Variants in KCNQ3 observed in about 807,000 individuals in gnomAD.
The protein encoded by KCNQ3 is potassium voltage-gated channel subfamily Q member 3.
A neutral mutation model predicts 92.5 loss-of-function variants in KCNQ3; 30 were observed. The ratio of observed to expected loss-of-function variants is 0.32; its 90% CI spans 0.24 to 0.44. KCNQ3 has a LOEUF of 0.44. KCNQ3 is among the 20% of genes least tolerant of loss of function. The pLI, the probability that KCNQ3 is intolerant of heterozygous loss-of-function variation, is 1.00. For synonymous variants in KCNQ3, 450 were observed against 468.8 expected, an observed-to-expected ratio of 0.96 and a Z score of 0.52; for missense variants, 913 against 1,140.3, an observed-to-expected ratio of 0.80 and a Z score of 2.87.
At chr8:132,258,826 C>T (rs538659064) in intron 1 of KCNQ3, among the ~76,000 whole-genome samples, 3 of 151,878 alleles carry the variant, frequency 2.0e-5, no homozygotes, top group Admixed American at 1.3e-4. Flanking sequence ...GAGAACATTA[C>T]TAGTGGTCTT....
intron 1 of KCNQ3, among the ~76,000 whole-genome samples, chr8:132,467,165 A>T (rs1337761869): frequency 6.6e-6 from 1 of 152,216 alleles, no homozygotes; most frequent in Non-Finnish European, 1.5e-5. Flanking sequence ...TAGAGAGTAA[A>T]TCAGCAGAAG....
At chr8:132,132,691 A>G (rs956668899) in intron 13 of KCNQ3, among the ~76,000 whole-genome samples, 3 of 152,186 alleles carry the variant, frequency 2.0e-5, no homozygotes, top group Non-Finnish European at 4.4e-5. Flanking sequence ...AATTACTTAC[A>G]GTGGGTATAA....
intron 1 of KCNQ3, among the ~76,000 whole-genome samples, chr8:132,449,454 A>G (rs1821771064): frequency 6.6e-6 from 1 of 150,950 alleles, no homozygotes; most frequent in South Asian, 2.1e-4. Context: ...CTGCCCTCCA[A>G]CCTCCCAGCA....
In KCNQ3 at chr8:132,251,891, A is replaced by G. The variant is rs113069600; in HGVS notation, c.387-65710T>C. Among the ~76,000 whole-genome samples the G allele has an allele frequency of 7.5e-3, 1,142 of 152,340 alleles. 12 individuals are homozygous for G. Among genetic ancestry groups the G allele is most frequent in the African/African-American group, 0.025 (1,026 of 41,566 alleles). Reference sequence around the variant, plus strand: ...ATGCCCCACTATGATCTGAAGGGTTATCATCACTATATCTAATACAAGTGG... The same window carrying G: ...ATGCCCCACTATGATCTGAAGGGTTGTCATCACTATATCTAATACAAGTGG... On this transcript the variant is annotated intron_variant, in intron 1 of 14. Coordinates refer to ENST00000388996, the MANE Select transcript of KCNQ3 (RefSeq NM_004519.4).
chr8:132,474,808 T>C (rs139517064), intron 1 of KCNQ3, among the ~76,000 whole-genome samples: 1 of 152,106 alleles, frequency 6.6e-6, no homozygotes, highest in East Asian at 1.9e-4. Context: ...AGGTACAAAA[T>C]TCTATGCCTG....
intron 1 of KCNQ3, among the ~76,000 whole-genome samples, chr8:132,330,580 G>A (rs1288894339): frequency 6.6e-6 from 1 of 152,128 alleles, no homozygotes; most frequent in African/African-American, 2.4e-5. Flanking sequence ...GTGGGAGATG[G>A]ACATGTCAGC....
At chr8:132,325,890 A>C (rs1341223705) in intron 1 of KCNQ3, among the ~76,000 whole-genome samples, 1 of 152,184 alleles carries the variant, frequency 6.6e-6, no homozygotes, top group Non-Finnish European at 1.5e-5. Flanking sequence ...GAGGCCAAAA[A>C]AGGTAGTCAA....
chr8:132,412,478 G>T (rs971204943), intron 1 of KCNQ3, among the ~76,000 whole-genome samples: 1 of 152,320 alleles, frequency 6.6e-6, no homozygotes, highest in African/African-American at 2.4e-5. Context: ...CCAGGATTCA[G>T]CCAGGACCTC....
intron 1 of KCNQ3, among the ~76,000 whole-genome samples, chr8:132,346,105 GATA>G (rs1269929761): frequency 1.3e-5 from 2 of 152,156 alleles, no homozygotes; most frequent in Non-Finnish European, 2.9e-5. Context: ...TGATGATGGT[GATA>G]ATAATGGTAT....
chr8:132,417,531 G>C (rs577950429), intron 1 of KCNQ3, among the ~76,000 whole-genome samples: 1 of 152,344 alleles, frequency 6.6e-6, no homozygotes, highest in South Asian at 2.1e-4. Flanking sequence ...CACATGGACA[G>C]CCATGGGAGA....
intron 1 of KCNQ3, among the ~76,000 whole-genome samples, chr8:132,465,601 A>C (rs940956025): frequency 8.5e-5 from 13 of 152,072 alleles, no homozygotes; most frequent in Non-Finnish European, 1.6e-4. Context: ...ATAATTAGCC[A>C]GGTGTGGTGG....
intron 1 of KCNQ3, among the ~76,000 whole-genome samples, chr8:132,199,282 T>C (rs939932435): frequency 2.0e-5 from 3 of 152,224 alleles, no homozygotes; most frequent in Admixed American, 1.3e-4. Context: ...AAAGTCATAT[T>C]GTATTATATA....
At chr8:132,236,269 C>T (rs1379584) in intron 1 of KCNQ3, among the ~76,000 whole-genome samples, 82,699 of 152,042 alleles carry the variant, frequency 0.54, 24,277 homozygotes, top group African/African-American at 0.78. Flanking sequence ...AGGGAGTGAA[C>T]ATTTTAAAAA....
At chr8:132,312,722 T>A (rs1278743582) in intron 1 of KCNQ3, among the ~76,000 whole-genome samples, 1 of 152,174 alleles carries the variant, frequency 6.6e-6, no homozygotes, top group African/African-American at 2.4e-5. Context: ...TTGTAAATGT[T>A]TGACAGTTCC....
At chr8:132,272,919 C>A (rs1388216465) in intron 1 of KCNQ3, among the ~76,000 whole-genome samples, 1 of 152,190 alleles carries the variant, frequency 6.6e-6, no homozygotes, top group Non-Finnish European at 1.5e-5. Context: ...AGTCTTAATT[C>A]ATTTTAGCAT....
intron 1 of KCNQ3, among the ~76,000 whole-genome samples, chr8:132,425,461 G>A (rs1821085021): frequency 6.6e-6 from 1 of 152,182 alleles, no homozygotes; most frequent in Admixed American, 6.5e-5. Flanking sequence ...AGAAGAAAAT[G>A]TATGGGAAAT....
chr8:132,221,611 C>G (rs892642668), intron 1 of KCNQ3, among the ~76,000 whole-genome samples: 3 of 152,294 alleles, frequency 2.0e-5, no homozygotes, highest in African/African-American at 7.2e-5. Context: ...GCATAAATGT[C>G]TTCTTTTGAG....
intron 1 of KCNQ3, among the ~76,000 whole-genome samples, chr8:132,423,020 C>T (rs1821014597): frequency 1.3e-5 from 2 of 152,124 alleles, no homozygotes; most frequent in Admixed American, 1.3e-4. Context: ...AGACTGGGAG[C>T]CCCTTCCCAA....
chr8:132,340,367 C>T (rs1309474515), intron 1 of KCNQ3, among the ~76,000 whole-genome samples: 2 of 152,082 alleles, frequency 1.3e-5, no homozygotes, highest in South Asian at 2.1e-4. Flanking sequence ...AACCCGAATG[C>T]CTGTCAATAA....
Sources: allele counts gnomAD v4.1 joint callset (sites outside exome capture counted in the v4.1 genomes callset), GRCh38; gene constraint gnomAD v4.1.1; transcripts MANE v1.5; gene names NCBI Gene and HGNC (gene_info 2026-07-23, HGNC 2026-07-21).